ZNF436: variants seen among roughly 807,000 people sequenced by gnomAD.
The protein encoded by ZNF436 is DNA-binding protein.
In ZNF436, 22 loss-of-function variants were observed where a neutral mutation model predicts 41.9. The ratio of observed to expected loss-of-function variants is 0.53; its 90% CI spans 0.38 to 0.75. ZNF436 has a LOEUF of 0.75. Ranked by LOEUF, ZNF436 falls within the 30% of genes least tolerant of loss-of-function variation. ZNF436 has a pLI of 0.00. For synonymous variants in ZNF436, 217 were observed against 197.8 expected (o/e 1.10, Z -0.82); for missense variants, 506 against 587.3 (o/e 0.86, Z 1.43).
chr1:23,362,668 G>A lies in ZNF436; in HGVS notation c.714C>T (p.Ile238=). 3.1e-6 allele frequency: 5 copies of A among 1,613,992 alleles called. No homozygotes were observed. The highest frequency in any genetic ancestry group is 3.4e-6 in the Non-Finnish European group (4 of 1,180,006). ...CACCACTGTGGGTCCTTTGGTGTTG[G>A]ATTAGGTGAGAGAGACGGCAGAAAC... ...GKSFCRLSHL[I]QHQRTHSGEK... is the part of the protein sequence containing the mutation. Residue 238 remains isoleucine (I), a synonymous_variant, in exon 4 of 4, where the codon ATC becomes ATT. Transcript: ENST00000314011.
chr1:23,367,682 T>G (rs908776908), intron 2 of ZNF436, among the ~76,000 whole-genome samples: 1 of 152,202 alleles, frequency 6.6e-6, no homozygotes, highest in African/African-American at 2.4e-5. Flanking sequence ...TGTGCCACGC[T>G]TAAGTGGATG....
In ZNF436 at chr1:23,362,160, G is replaced by A; in HGVS notation, c.1222C>T (p.His408Tyr). The change falls in exon 4 of 4, where the codon CAT becomes TAT. Residue 408 changes from histidine (H) to tyrosine (Y), a missense_variant. By Grantham distance (83) the His-to-Tyr change is moderately conservative. Around this residue, in one of 2 missense-constraint regions of ZNF436, gnomAD observed 278 missense variants for 372.1 expected, o/e 0.75. Transcript: ENST00000314011. ...TTCTCCCCTGTGTGGGTTCTCTGAT[G>A]TTTAATTAGATCTGACCTTTCACCA... Reference protein sequence around the residue: ...SFGERSDLIKHQRTHTGEKPY... With the variant: ...SFGERSDLIKYQRTHTGEKPY... 6.2e-7 allele frequency: 1 copy of A among 1,614,066 alleles called. No homozygotes were observed. The highest frequency in any genetic ancestry group is 8.5e-7 in the Non-Finnish European group (1 of 1,180,016).
intron 2 of ZNF436, among the ~76,000 whole-genome samples, chr1:23,367,423 G>A (rs552659424): frequency 1.3e-5 from 2 of 152,240 alleles, no homozygotes; most frequent in Middle Eastern, 3.4e-3. Context: ...GACATATCTG[G>A]CACTTGCATC....
rs1320554741 is a variant in ZNF436, at chr1:23,362,904, G to C, written c.478C>G (p.His160Asp). The C allele has an allele frequency of 5.0e-6, 8 of 1,614,046 alleles. No individual in the cohort carries two copies. Among genetic ancestry groups the C allele is most frequent in the Non-Finnish European group, 6.8e-6 (8 of 1,180,038 alleles). Residue 160 changes from histidine to aspartate, a missense_variant, in exon 4 of 4, where the codon CAC becomes GAC. Coordinates refer to ENST00000314011, the MANE Select transcript of ZNF436 (RefSeq NM_001077195.2). ...ISDLNRHQKTHTGDRPYKCYE... is the reference protein window; with the variant it reads ...ISDLNRHQKTDTGDRPYKCYE... ...CATTTATAGGGTCTGTCTCCAGTGT[G>C]GGTCTTCTGATGTCGATTAAGGTCT...
intron 1 of ZNF436, 21 bp from the exon 2 acceptor site, chr1:23,368,086 G>A: frequency 6.5e-7 from 1 of 1,540,936 alleles, no homozygotes; most frequent in Non-Finnish European, 8.9e-7. Flanking sequence ...CGAAAAGCAG[G>A]GCGTGAGGCA....
intron 2 of ZNF436, among the ~76,000 whole-genome samples, chr1:23,367,589 T>G (rs979661540): frequency 6.6e-6 from 1 of 152,176 alleles, no homozygotes; most frequent in Non-Finnish European, 1.5e-5. Context: ...ATGCCCCAGA[T>G]AGACTTAATC....
intron 3 of ZNF436, among the ~76,000 whole-genome samples, chr1:23,365,606 C>T (rs1001158727): frequency 4.7e-4 from 72 of 151,604 alleles, no homozygotes; most frequent in Non-Finnish European, 8.0e-4. Flanking sequence ...CACAGCTAGT[C>T]GGGAGGCTGA....
chr1:23,365,116 G>A (rs1261555924), intron 3 of ZNF436, among the ~76,000 whole-genome samples: 2 of 151,922 alleles, frequency 1.3e-5, no homozygotes, highest in African/African-American at 2.4e-5. Context: ...GAGGCAGGCC[G>A]GGCGCGGTGG....
chr1:23,362,627 C>T lies in ZNF436; in HGVS notation c.755G>A (p.Cys252Tyr), dbSNP rs370298872. 8.7e-6 allele frequency: 14 copies of T among 1,613,930 alleles called. No individual in the cohort carries two copies. The highest frequency in any genetic ancestry group is 2.7e-5 in the African/African-American group (2 of 74,948). The change falls in exon 4 of 4, where the codon TGT (cysteine) becomes TAT (tyrosine). Residue 252 changes from cysteine (C) to tyrosine (Y), a missense_variant. Physicochemically the swap from Cys to Tyr is radical, Grantham distance 194. Transcript: ENST00000314011. Reference protein sequence around the residue: ...RTHSGEKPYECEECGKSFSRS... With the variant: ...RTHSGEKPYEYEECGKSFSRS... ...GCTGAAGCTTTTCCCACACTCCTCA[C>T]ACTCATAGGGTTTCTCACCACTGTG...
rs1324910333 is a variant in ZNF436, at chr1:23,362,636, G to A, written c.746C>T (p.Pro249Leu). ...TTTCCCACACTCCTCACACTCATAG[G>A]GTTTCTCACCACTGTGGGTCCTTTG... ...QHQRTHSGEKPYECEECGKSF... is the reference protein window; with the variant it reads ...QHQRTHSGEKLYECEECGKSF... Residue 249 changes from proline to leucine, a missense_variant, in exon 4 of 4, where the codon CCC becomes CTC. Transcript: ENST00000314011. 8.1e-6 allele frequency: 13 copies of A among 1,614,174 alleles called. No individual in the cohort carries two copies. The highest frequency in any genetic ancestry group is 1.1e-5 in the Non-Finnish European group (13 of 1,180,040).
intron 3 of ZNF436, among the ~76,000 whole-genome samples, chr1:23,366,468 A>G (rs1250894701): frequency 6.6e-6 from 1 of 152,134 alleles, no homozygotes; most frequent in Non-Finnish European, 1.5e-5. Context: ...CAGACCATGA[A>G]AAAAAAATCA....
Position 23,362,815 on chromosome 1 carries a change from A to C in ZNF436, c.567T>G (p.Thr189=), listed in dbSNP as rs3795307. 1 of 1,614,226 alleles carries C rather than the reference A, an allele frequency of 6.2e-7. No individual in the cohort carries two copies. Residue 189 remains threonine (T), a synonymous_variant, in exon 4 of 4, where the codon ACT becomes ACG. Coordinates refer to ENST00000314011, the MANE Select transcript of ZNF436 (RefSeq NM_001077195.2). Reference sequence around the variant, plus strand: ...CGTTACAGTCATAAGGCCTCTCCCCAGTATGTGTTCTTTGATGCTGAATAA... The same window carrying C: ...CGTTACAGTCATAAGGCCTCTCCCCCGTATGTGTTCTTTGATGCTGAATAA... ...SHLIQHQRTH[T]GERPYDCNEC... is the part of the protein sequence containing the mutation.
At chr1:23,367,191 T>C in intron 2 of ZNF436, 23 bp from the exon 3 acceptor site, 1 of 1,588,896 alleles carries the variant, frequency 6.3e-7, no homozygotes, top group Non-Finnish European at 8.5e-7. Context: ...GATACTTCCC[T>C]ACTATTCTGT....
chr1:23,360,063 C>A lies in ZNF436; in HGVS notation c.*1906G>T, dbSNP rs960738659. The A allele has an allele frequency of 1.3e-5, 2 of 152,286 alleles. No individual in the cohort carries two copies. The highest frequency in any genetic ancestry group is 1.3e-4 in the Admixed American group (2 of 15,260). 9.4% of individuals were successfully genotyped at this position (152,286 alleles called of 1,614,324 possible). A position where few individuals can be genotyped will look rare whatever the true frequency, so the allele number is the denominator to read the frequency against. ...GTTTAGTTACCAAGAACATGTGTCA[C>A]CCGACAATTAAAATATGGATACCCA... On this transcript the variant is annotated 3_prime_UTR_variant, in exon 4 of 4. Transcript: ENST00000314011.
In ZNF436 at chr1:23,362,437, G is replaced by A; in HGVS notation, c.945C>T (p.Phe315=). 1.2e-6 allele frequency: 2 copies of A among 1,613,822 alleles called. No individual in the cohort carries two copies. Among genetic ancestry groups the A allele is most frequent in the Non-Finnish European group, 1.7e-6 (2 of 1,179,824 alleles). ...PYKCDECGKN[F]SQNSDLVRHR... ...GACGCACAAGGTCGGAGTTCTGACT[G>A]AAATTCTTCCCACACTCATCACACT... The change falls in exon 4 of 4, where the codon TTC becomes TTT. Residue 315 remains phenylalanine, a synonymous_variant. Coordinates refer to ENST00000314011, the MANE Select transcript of ZNF436 (RefSeq NM_001077195.2).
chr1:23,363,107 C>G lies in ZNF436; in HGVS notation c.275G>C (p.Ser92Thr), dbSNP rs1476441370. The G allele has an allele frequency of 3.7e-6, 6 of 1,614,094 alleles. No individual in the cohort carries two copies. Among genetic ancestry groups the G allele is most frequent in the Non-Finnish European group, 5.1e-6 (6 of 1,180,054 alleles). Residue 92 changes from serine to threonine, a missense_variant, in exon 4 of 4, where the codon AGT (serine) becomes ACT (threonine). Physicochemically the swap from Ser to Thr is moderately conservative, Grantham distance 58 (BLOSUM62 1). Coordinates refer to ENST00000314011, the MANE Select transcript of ZNF436 (RefSeq NM_001077195.2). ...PAENAEENPE[S>T]EEGFESGDRS... ...ATCTCCGCTTTCAAAGCCCTCTTCA[C>G]TTTCAGGATTTTCCTCAGCATTCTC... is the stretch of plus-strand genomic sequence containing the variant.
At position 23,369,578 on chromosome 1, in the gene ZNF436, A is replaced by G. The variant is rs915210193; in HGVS notation, c.-273T>C. ...TATCGTAGGCTGATCCTAAAGACTCAGATTCCCGAGGCCTCAGACTCGCAG... is the reference window on the plus strand; with the variant it reads ...TATCGTAGGCTGATCCTAAAGACTCGGATTCCCGAGGCCTCAGACTCGCAG... On this transcript the variant is annotated 5_prime_UTR_variant, in exon 1 of 4. Transcript: ENST00000314011. 1.9e-6 allele frequency: 1 copy of G among 532,712 alleles called. No individual in the cohort carries two copies. Among genetic ancestry groups the G allele is most frequent in the Non-Finnish European group, 3.9e-6 (1 of 258,336 alleles). 33.0% of individuals were successfully genotyped at this position (532,712 alleles called of 1,614,324 possible).
rs1053876914 is a variant in ZNF436 at position 23,361,788 on chromosome 1, G to T, written c.*181C>A. 1.7e-6 allele frequency: 1 copy of T among 580,664 alleles called. No homozygotes were observed. The allele number at this position is 580,664 out of a possible 1,614,324, so 36.0% of individuals were successfully genotyped here. On this transcript the variant is annotated 3_prime_UTR_variant, in exon 4 of 4. Transcript: ENST00000314011. ...AGTGAATAAAAATCACCATTTTGGA[G>T]GAGATAACATTCCCAAAGCTGAGGG... is the stretch of plus-strand genomic sequence containing the variant.
Position 23,362,100 on chromosome 1 carries a change from T to C in ZNF436, c.1282A>G (p.Thr428Ala), listed in dbSNP as rs1443802966. Residue 428 changes from threonine (T) to alanine (A), a missense_variant, in exon 4 of 4, where the codon ACC (threonine) becomes GCC (alanine). Thr to Ala is a moderately conservative substitution (Grantham distance 58). Coordinates refer to ENST00000314011, the MANE Select transcript of ZNF436 (RefSeq NM_001077195.2). ...YECVQCGKGFTQSSNLITHQR... is the reference protein window; with the variant it reads ...YECVQCGKGFAQSSNLITHQR... The stretch of plus-strand genomic sequence containing the variant: ...TGTGTGATGAGGTTGGAGCTCTGGG[T>C]GAAACCTTTCCCACACTGCACACAC... The C allele has an allele frequency of 6.2e-7, 1 of 1,614,134 alleles. No homozygotes were observed. The highest frequency in any genetic ancestry group is 1.3e-5 in the African/African-American group (1 of 75,022).
Sources: allele counts gnomAD v4.1 joint callset (sites outside exome capture counted in the v4.1 genomes callset), GRCh38; gene constraint gnomAD v4.1.1; regional missense constraint gnomAD v4.1.1; transcripts MANE v1.5; gene names NCBI Gene and HGNC (gene_info 2026-07-23, HGNC 2026-07-21).